The following TTLL4 variants were observed in gnomAD, a reference collection of about 807,000 sequenced individuals.
TTLL4 encodes tubulin monoglutamylase TTLL4.
TTLL4 carries 85 observed loss-of-function variants against 122.7 expected under a neutral mutation model. That is an observed-to-expected ratio of 0.69 (90% CI 0.58 to 0.83). TTLL4 has a LOEUF of 0.83. Ranked by LOEUF, TTLL4 falls within the 40% of genes least tolerant of loss-of-function variation. The probability of loss-of-function intolerance (pLI) is 0.00; values close to 1 mark genes in which losing one functional copy is unlikely to be tolerated. For missense variants in TTLL4, 1,363 were observed against 1,488.6 expected (o/e 0.92, Z 1.39); for synonymous variants, 553 against 563.0 (o/e 0.98, Z 0.25).
At position 218,753,791 on chromosome 2, in the gene TTLL4, G is replaced by A. The variant is rs908395372; in HGVS notation, c.3344+122G>A. On this transcript the variant is annotated intron_variant, in intron 19 of 19. Coordinates refer to ENST00000392102, the MANE Select transcript of TTLL4 (RefSeq NM_014640.5). The stretch of plus-strand genomic sequence containing the variant: ...TCTCCAGCTGGGGGTTGGTGGGAGC[G>A]TCAGGACATGCAGCCATAGCATCCT... The A allele has an allele frequency of 4.3e-5, 46 of 1,061,902 alleles. No individual in the cohort carries two copies. In the Admixed American group the frequency reaches 5.1e-4, roughly 12 times the overall value. 65.8% of individuals were successfully genotyped at this position (1,061,902 alleles called of 1,614,324 possible).
At chr2:218,750,505 C>A (rs1942987263) in intron 15 of TTLL4, among the ~76,000 whole-genome samples, 1 of 152,008 alleles carries the variant, frequency 6.6e-6, no homozygotes, top group South Asian at 2.1e-4. Flanking sequence ...CCACTGTACT[C>A]TCTTTAGCCT....
chr2:218,748,420 C>A, intron 12 of TTLL4, 193 bp downstream of exon 12: 1 of 850,320 alleles, frequency 1.2e-6, no homozygotes, highest in Non-Finnish European at 1.7e-6. Context: ...TTTGGGAGGC[C>A]AAGGTGGGTG....
At position 218,752,760 on chromosome 2, in the gene TTLL4, C is replaced by T; in HGVS notation, c.2977-3C>T. On this transcript the variant is annotated splice_polypyrimidine_tract_variant and splice_region_variant and intron_variant, in intron 16 of 19. Coordinates refer to ENST00000392102, the MANE Select transcript of TTLL4 (RefSeq NM_014640.5). The stretch of plus-strand genomic sequence containing the variant: ...CTTTTTCTCCCTGTTCCTTGGACCA[C>T]AGGACTTCTATGCATCTGTGCTGGA... The T allele has an allele frequency of 6.2e-7, 1 of 1,614,168 alleles. No homozygotes were observed.
At chr2:218,748,310 C>T (rs557156123) in intron 12 of TTLL4, 83 bp downstream of exon 12, 30 of 1,556,566 alleles carry the variant, frequency 1.9e-5, no homozygotes, top group African/African-American at 5.5e-5. Flanking sequence ...AGGGGCATGG[C>T]GAGTGGAGGA....
chr2:218,752,925 A>G lies in TTLL4; in HGVS notation c.3139A>G (p.Ile1047Val), dbSNP rs1280651902. ...RFFEQPRYFNILTTQWEQKYH... is the reference protein window; with the variant it reads ...RFFEQPRYFNVLTTQWEQKYH... ...TTTTGAGCAGCCACGATATTTCAACATTCTCACCACCCAATGGGAACAGAA... is the reference window on the plus strand; with the variant it reads ...TTTTGAGCAGCCACGATATTTCAACGTTCTCACCACCCAATGGGAACAGAA... Residue 1047 changes from isoleucine (I) to valine (V), a missense_variant, in exon 17 of 20, where the codon ATT (isoleucine) becomes GTT (valine). Physicochemically the swap from Ile to Val is conservative, Grantham distance 29 (BLOSUM62 3). This residue lies in a region of TTLL4 where 596 missense variants were observed against 655.8 expected (regional missense o/e 0.91). Transcript: ENST00000392102. The G allele has an allele frequency of 3.1e-6, 5 of 1,614,088 alleles. No homozygotes were observed. The highest frequency in any genetic ancestry group is 2.5e-6 in the Non-Finnish European group (3 of 1,180,014).
chr2:218,729,748 T>TTAAAAAA (rs772940886), intron 2 of TTLL4, among the ~76,000 whole-genome samples: 2 of 78,726 alleles, frequency 2.5e-5, no homozygotes, highest in African/African-American at 1.0e-4. Context: ...TCTCTCTTTT[T>TTAAAAAA]AAAAAAAAAA....
rs1942594964 is a variant in TTLL4, at chr2:218,738,369, T to G, written c.693T>G (p.Pro231=). The G allele has an allele frequency of 6.2e-7, 1 of 1,614,008 alleles. No homozygotes were observed. Among genetic ancestry groups the G allele is most frequent in the Admixed American group, 1.7e-5 (1 of 60,012 alleles). Reference sequence around the variant, plus strand: ...TGTGGCCAAATAGCACGCCAGTGCCTTTATTGCAGACCACACAGGGCCTGA... The same window carrying G: ...TGTGGCCAAATAGCACGCCAGTGCCGTTATTGCAGACCACACAGGGCCTGA... The part of the protein sequence containing the change: ...SFMWPNSTPV[P]LLQTTQGLKP... Residue 231 remains proline (P), a synonymous_variant, in exon 3 of 20, where the codon CCT becomes CCG. Coordinates refer to ENST00000392102, the MANE Select transcript of TTLL4 (RefSeq NM_014640.5).
At chr2:218,742,128 TA>T (rs1344671947) in intron 5 of TTLL4, among the ~76,000 whole-genome samples, 1 of 151,920 alleles carries the variant, frequency 6.6e-6, no homozygotes, top group East Asian at 1.9e-4. Flanking sequence ...CCCAGCTAAT[TA>T]AAAAAAATTT....
chr2:218,730,169 G>A (rs1942326685), intron 2 of TTLL4, among the ~76,000 whole-genome samples: 1 of 151,678 alleles, frequency 6.6e-6, no homozygotes, highest in African/African-American at 2.4e-5. Context: ...TCTAGTATAG[G>A]GTCTAATAGA....
chr2:218,714,634 A>G (rs1941805797), intron 1 of TTLL4, among the ~76,000 whole-genome samples: 2 of 152,112 alleles, frequency 1.3e-5, no homozygotes, highest in Admixed American at 6.6e-5. Flanking sequence ...CTAGAGAAGC[A>G]TAGTGCTTCT....
At chr2:218,748,527 C>T (rs927030286) in intron 12 of TTLL4, 14 of 430,166 alleles carry the variant, frequency 3.3e-5, no homozygotes, top group East Asian at 8.7e-5. Flanking sequence ...TGGTGGCAGG[C>T]GCCTACAATC....
chr2:218,740,707 T>TA, intron 5 of TTLL4, 123 bp downstream of exon 5: 1 of 1,145,450 alleles, frequency 8.7e-7, no homozygotes, highest in Middle Eastern at 2.3e-4. Flanking sequence ...ACCAAATTTT[T>TA]ATGTTTGCGA....
In TTLL4 at chr2:218,738,281, CAG is replaced by C. The variant is rs951327936; in HGVS notation, c.606_607del (p.Gly203GlufsTer11). 6 of 1,614,008 alleles carry C rather than the reference CAG, an allele frequency of 3.7e-6. No individual in the cohort carries two copies. The African/African-American group carries it at 6.7e-5, about 18-fold the overall frequency. On this transcript the variant is annotated frameshift_variant, in exon 3 of 20. Coordinates refer to ENST00000392102, the MANE Select transcript of TTLL4 (RefSeq NM_014640.5). LOFTEE classifies it high-confidence loss of function. Reference sequence around the variant, plus strand: ...GGGAAGAGCCTGGCCTCTGCCATCTCAGGGAAGATCCCATCTCCACTCTCTTC... The same window carrying C: ...GGGAAGAGCCTGGCCTCTGCCATCTCGGAAGATCCCATCTCCACTCTCTTC...
intron 4 of TTLL4, 78 bp downstream of exon 4, chr2:218,740,245 G>C: frequency 1.5e-6 from 2 of 1,373,200 alleles, no homozygotes; most frequent in Non-Finnish European, 2.1e-6. Flanking sequence ...TTGTGTACTA[G>C]GTCCTTGACT....
chr2:218,726,835 C>T (rs1942213174), intron 1 of TTLL4, among the ~76,000 whole-genome samples: 1 of 150,240 alleles, frequency 6.7e-6, no homozygotes, highest in Non-Finnish European at 1.5e-5. Context: ...GATGGAGTCT[C>T]AGTCTGTCGC....
At chr2:218,713,368 C>A (rs772609401) in intron 1 of TTLL4, among the ~76,000 whole-genome samples, 38 of 152,150 alleles carry the variant, frequency 2.5e-4, no homozygotes, top group Admixed American at 5.2e-4. Flanking sequence ...AACTCCAACT[C>A]CTGGGTTCAA....
In TTLL4 at chr2:218,748,874, G is replaced by T. The variant is rs749674538; in HGVS notation, c.2540G>T (p.Gly847Val). ...TTGTGGAACTACCTGAGCCAGAAGG[G>T]AGTCAATAGCGACGCCATCTGGGAG... The part of the protein sequence containing the change: ...KALWNYLSQK[G>V]VNSDAIWEKI... Residue 847 changes from glycine to valine, a missense_variant, in exon 13 of 20, where the codon GGA (glycine) becomes GTA (valine). Gly to Val is a moderately radical substitution (Grantham distance 109, BLOSUM62 -3). Around this residue, in one of 3 missense-constraint regions of TTLL4, gnomAD observed 596 missense variants for 655.8 expected, o/e 0.91. Transcript: ENST00000392102. 1 of 1,613,982 alleles carries T rather than the reference G, an allele frequency of 6.2e-7. No individual in the cohort carries two copies. The highest frequency in any genetic ancestry group is 8.5e-7 in the Non-Finnish European group (1 of 1,180,000).
chr2:218,722,528 GAACT>G (rs909740761), intron 1 of TTLL4, among the ~76,000 whole-genome samples: 8 of 152,252 alleles, frequency 5.3e-5, no homozygotes, highest in African/African-American at 1.9e-4. Context: ...CTGAGTGAAA[GAACT>G]AAGCCAGCCA....
At position 218,745,838 on chromosome 2, in the gene TTLL4, C is replaced by T. The variant is rs375873504; in HGVS notation, c.1897+37C>T. 2.5e-6 allele frequency: 4 copies of T among 1,572,142 alleles called. No homozygotes were observed. In the African/African-American group the frequency reaches 5.4e-5, roughly 21 times the overall value. ...GCCTTACTGTGAGCCTGTCCTTTTG[C>T]CCCAAATAGATGGGCTTTGCATAGG... On this transcript the variant is annotated intron_variant, in intron 7 of 19. Coordinates refer to ENST00000392102, the MANE Select transcript of TTLL4 (RefSeq NM_014640.5).
Sources: gnomAD v4.1 joint callset for allele counts (sites outside exome capture counted in the v4.1 genomes callset) on GRCh38, gnomAD v4.1.1 for gene constraint, gnomAD v4.1.1 regional missense constraint, MANE v1.5 for transcripts, NCBI Gene and HGNC (gene_info 2026-07-23, HGNC 2026-07-21) for gene names.